The following GFRA1 variants were observed in gnomAD, a reference collection of about 807,000 sequenced individuals.
The protein encoded by GFRA1 is GDNF family receptor alpha 1.
In GFRA1, 16 loss-of-function variants were observed where a neutral mutation model predicts 51.6. The ratio of observed to expected loss-of-function variants is 0.31; its 90% confidence interval spans 0.21 to 0.47. The LOEUF is 0.47. GFRA1 is among the 20% of genes least tolerant of loss of function. GFRA1 has a pLI of 1.00. For missense variants in GFRA1, 530 were observed against 594.3 expected (o/e 0.89, Z 1.13); for synonymous variants, 270 against 241.3 (o/e 1.12, Z -1.10).
intron 5 of GFRA1, among the ~76,000 whole-genome samples, chr10:116,197,489 A>G (rs538614764): frequency 1.3e-5 from 2 of 152,174 alleles, no homozygotes; most frequent in Non-Finnish European, 1.5e-5. Flanking sequence ...GTTTATGTAT[A>G]TATATGTGTC....
chr10:116,206,833 C>T (rs189755061), intron 5 of GFRA1, among the ~76,000 whole-genome samples: 1 of 151,654 alleles, frequency 6.6e-6, no homozygotes, highest in Non-Finnish European at 1.5e-5. Context: ...GGGGTTTCAC[C>T]GTGCTAGCCA....
Position 116,251,124 on chromosome 10 carries a change from A to C in GFRA1, c.418+18379T>G, listed in dbSNP as rs553521105. Among the ~76,000 whole-genome samples, 133 of 152,300 alleles carry C rather than the reference A, an allele frequency of 8.7e-4. 1 individual carries two copies. The highest frequency in any genetic ancestry group is 3.0e-3 in the African/African-American group (125 of 41,564). On this transcript the variant is annotated intron_variant, in intron 4 of 10. Transcript: ENST00000355422. ...GTCAGTTTTCTTCTTCAGAGTACTG[A>C]CTGCTATCAAAACACGTGCATTTTA...
chr10:116,218,147 C>T (rs115854841), intron 4 of GFRA1, among the ~76,000 whole-genome samples: 1,528 of 152,250 alleles, frequency 0.01, 23 homozygotes, highest in African/African-American at 0.035. Context: ...GCGGTTAGAA[C>T]CCATAGGTGC....
intron 9 of GFRA1, among the ~76,000 whole-genome samples, chr10:116,076,756 AC>A (rs2133817635): frequency 6.6e-6 from 1 of 152,106 alleles, no homozygotes; most frequent in East Asian, 1.9e-4. Flanking sequence ...GGGTCCTGGG[AC>A]CTAATTCCCC....
intron 4 of GFRA1, among the ~76,000 whole-genome samples, chr10:116,254,012 A>G (rs1306878291): frequency 6.6e-6 from 1 of 152,150 alleles, no homozygotes; most frequent in Admixed American, 6.5e-5. Context: ...TCAGGCTTTT[A>G]TGAAGATTAA....
chr10:116,244,129 T>C (rs1043395531), intron 4 of GFRA1, among the ~76,000 whole-genome samples: 1 of 151,982 alleles, frequency 6.6e-6, no homozygotes, highest in Admixed American at 6.6e-5. Flanking sequence ...AAAACAGTCA[T>C]GAAAGAGCCT....
chr10:116,094,411 C>T (rs1956489000), intron 7 of GFRA1, among the ~76,000 whole-genome samples: 2 of 152,152 alleles, frequency 1.3e-5, no homozygotes, highest in African/African-American at 4.8e-5. Flanking sequence ...AGTGGAAATT[C>T]TCTAAGTCAA....
chr10:116,157,350 A>T (rs1363578543), intron 5 of GFRA1, among the ~76,000 whole-genome samples: 1 of 152,210 alleles, frequency 6.6e-6, no homozygotes, highest in Non-Finnish European at 1.5e-5. Flanking sequence ...GATGTCCAGA[A>T]GGGGCAGAAA....
chr10:116,106,830 G>C (rs910111215), intron 6 of GFRA1, among the ~76,000 whole-genome samples: 1 of 152,122 alleles, frequency 6.6e-6, no homozygotes. Flanking sequence ...GGGACACAGG[G>C]ACAGATCCCT....
intron 4 of GFRA1, among the ~76,000 whole-genome samples, chr10:116,251,474 G>A (rs1225974681): frequency 2.6e-5 from 4 of 152,152 alleles, no homozygotes; most frequent in African/African-American, 4.8e-5. Flanking sequence ...CAAAATGTGT[G>A]AGGTTGCCAG....
rs1307304669 is a variant in GFRA1, at chr10:116,061,698, G to A, written c.*2700C>T. On this transcript the variant is annotated 3_prime_UTR_variant, in exon 11 of 11. Transcript: ENST00000355422. ...ACCCAAACCTCAGCAGATAACCCCT[G>A]TCTTCAGTGGCACCCCAAATGCCCG... 4 of 286,978 alleles carry A rather than the reference G, an allele frequency of 1.4e-5. No homozygotes were observed. Among genetic ancestry groups the A allele is most frequent in the African/African-American group, 8.7e-5 (4 of 46,038 alleles). The allele number at this position is 286,978 out of a possible 1,614,324, so 17.8% of individuals were successfully genotyped here.
At chr10:116,137,344 T>C (rs1958371023) in intron 5 of GFRA1, among the ~76,000 whole-genome samples, 1 of 152,202 alleles carries the variant, frequency 6.6e-6, no homozygotes. Context: ...TGTCGGCGGT[T>C]GTCAGGGCCC....
intron 6 of GFRA1, among the ~76,000 whole-genome samples, chr10:116,114,833 G>A (rs1255400906): frequency 6.6e-6 from 1 of 152,202 alleles, no homozygotes; most frequent in East Asian, 1.9e-4. Context: ...AATTTTCTGG[G>A]TTAGATGGCA....
At chr10:116,234,452 T>C (rs1037795498) in intron 4 of GFRA1, among the ~76,000 whole-genome samples, 10 of 152,168 alleles carry the variant, frequency 6.6e-5, no homozygotes, top group African/African-American at 1.9e-4. Context: ...CAACTTAGGA[T>C]ACACAGCAAA....
At chr10:116,169,467 C>G (rs533534352) in intron 5 of GFRA1, among the ~76,000 whole-genome samples, 2 of 152,208 alleles carry the variant, frequency 1.3e-5, no homozygotes, top group East Asian at 1.9e-4. Context: ...TTTGGCCTAC[C>G]ATGGCCCATA....
intron 5 of GFRA1, among the ~76,000 whole-genome samples, chr10:116,187,333 T>G (rs1410582955): frequency 3.3e-5 from 5 of 152,188 alleles, no homozygotes; most frequent in African/African-American, 4.8e-5. Context: ...CCAGCATCTC[T>G]GCAGGACCCT....
intron 4 of GFRA1, among the ~76,000 whole-genome samples, chr10:116,229,459 CCTT>C (rs1185356572): frequency 2.6e-5 from 4 of 152,180 alleles, no homozygotes; most frequent in Non-Finnish European, 4.4e-5. Flanking sequence ...CCTCAGTCCT[CCTT>C]CATCTGGGGC....
intron 5 of GFRA1, among the ~76,000 whole-genome samples, chr10:116,170,263 T>C (rs147169604): frequency 1.1e-4 from 16 of 152,312 alleles, no homozygotes; most frequent in Non-Finnish European, 2.2e-4. Context: ...CAAGGAGAAT[T>C]CTTAACATGT....
At chr10:116,138,682 A>G (rs894314881) in intron 5 of GFRA1, among the ~76,000 whole-genome samples, 4 of 126,220 alleles carry the variant, frequency 3.2e-5, no homozygotes, top group Non-Finnish European at 6.5e-5. Context: ...TGCCCCACCA[A>G]CCCACCATGG....
Sources: gnomAD v4.1 joint callset for allele counts (sites outside exome capture counted in the v4.1 genomes callset) on GRCh38, gnomAD v4.1.1 for gene constraint, MANE v1.5 for transcripts, NCBI Gene and HGNC (gene_info 2026-07-23, HGNC 2026-07-21) for gene names.